EGR3: variants seen among roughly 807,000 people sequenced by gnomAD.
The protein encoded by EGR3 is early growth response protein 3.
In EGR3, 4 loss-of-function variants were observed where a neutral mutation model predicts 22.4. The observed-to-expected ratio is 0.18, with a 90% CI of 0.09 to 0.41. EGR3 has a LOEUF of 0.41. Among genes scored for constraint, EGR3 ranks in the 10% least tolerant of loss-of-function variants. EGR3 has a pLI of 1.00. For synonymous variants in EGR3, 219 were observed against 226.8 expected (o/e 0.97, Z 0.31); for missense variants, 315 against 541.3 (o/e 0.58, Z 4.15).
intron 1 of EGR3, chr8:22,691,722 GCCGCGCACACA>G: frequency 1.0e-6 from 1 of 985,112 alleles, no homozygotes; most frequent in East Asian, 1.1e-4. Context: ...CAGCGCACAA[GCCGCGCACACA>G]CTCACGTACC....
chr8:22,693,131 CT>C lies in EGR3; in HGVS notation c.-188del. The C allele has an allele frequency of 1.3e-6, 1 of 747,028 alleles. No homozygotes were observed. Among genetic ancestry groups the C allele is most frequent in the Non-Finnish European group, 1.8e-6 (1 of 555,396 alleles). 46.3% of individuals were successfully genotyped at this position (747,028 alleles called of 1,614,324 possible). A position where few individuals can be genotyped will look rare whatever the true frequency, so the allele number is the denominator to read the frequency against. ...GATGGGCCAGGAGAGGGGATCTTCTCTTTTTTGGGGGGCGGGAGAGGGCCCC... is the reference window on the plus strand; with the variant it reads ...GATGGGCCAGGAGAGGGGATCTTCTCTTTTTGGGGGGCGGGAGAGGGCCCC... On this transcript the variant is annotated 5_prime_UTR_variant, in exon 1 of 2. Coordinates refer to ENST00000317216, the MANE Select transcript of EGR3 (RefSeq NM_004430.3).
chr8:22,693,118 G>A lies in EGR3; in HGVS notation c.-174C>T. 1.1e-6 allele frequency: 1 copy of A among 888,228 alleles called. No individual in the cohort carries two copies. Among genetic ancestry groups the A allele is most frequent in the East Asian group, 3.3e-5 (1 of 30,686 alleles). 55.0% of individuals were successfully genotyped at this position (888,228 alleles called of 1,614,324 possible). A position where few individuals can be genotyped will look rare whatever the true frequency, so the allele number is the denominator to read the frequency against. On this transcript the variant is annotated 5_prime_UTR_variant, in exon 1 of 2. Coordinates refer to ENST00000317216, the MANE Select transcript of EGR3 (RefSeq NM_004430.3). ...GAAGAAGGGAAGGGATGGGCCAGGA[G>A]AGGGGATCTTCTCTTTTTTGGGGGG...
At position 22,687,744 on chromosome 8, in the gene EGR3, T is replaced by C. The variant is rs1414442967; in HGVS notation, c.*2729A>G. 6.6e-6 allele frequency: 1 copy of C among 152,592 alleles called. No individual in the cohort carries two copies. The highest frequency in any genetic ancestry group is 2.4e-5 in the African/African-American group (1 of 41,422). 9.5% of individuals were successfully genotyped at this position (152,592 alleles called of 1,614,324 possible). A position where few individuals can be genotyped will look rare whatever the true frequency, so the allele number is the denominator to read the frequency against. On this transcript the variant is annotated 3_prime_UTR_variant, in exon 2 of 2. Coordinates refer to ENST00000317216, the MANE Select transcript of EGR3 (RefSeq NM_004430.3). This position sits in a 1 kb window ranked among gnomAD's most constrained non-coding sequence, Gnocchi z 4.7. ...GCCGGCTGATTGTCAGCAAACACAA[T>C]ATATTTACTGTATTAGCATTTGCTC...
At chr8:22,691,802 A>G (rs901946266) in intron 1 of EGR3, 21 of 985,228 alleles carry the variant, frequency 2.1e-5, no homozygotes, top group Non-Finnish European at 2.5e-5. Context: ...TGGGGCGGGC[A>G]GGTAGCTGCA....
In EGR3 at chr8:22,690,056, C is replaced by G. The variant is rs867469635; in HGVS notation, c.*417G>C. On this transcript the variant is annotated 3_prime_UTR_variant, in exon 2 of 2. Transcript: ENST00000317216. ...TTGGTGCGCTCCTTACCCCCTCCCC[C>G]TCTCGAGTCTTCGAGGGGGTATAGA... 4.9e-6 allele frequency: 1 copy of G among 202,242 alleles called. No homozygotes were observed. Among genetic ancestry groups the G allele is most frequent in the East Asian group, 1.2e-4 (1 of 8,054 alleles). The allele number at this position is 202,242 out of a possible 1,614,324, so 12.5% of individuals were successfully genotyped here.
Position 22,692,290 on chromosome 8 carries a change from G to T in EGR3, c.154+501C>A, listed in dbSNP as rs1194210461. 1.3e-6 allele frequency: 2 copies of T among 1,514,306 alleles called. No individual in the cohort carries two copies. The highest frequency in any genetic ancestry group is 1.8e-6 in the Non-Finnish European group (2 of 1,137,310). 93.8% of individuals were successfully genotyped at this position (1,514,306 alleles called of 1,614,324 possible). ...CTTTGCTGAACGCCCCGGAAAGGCA[G>T]CGTCGCAGTACCTCTCCCACCGCGG... On this transcript the variant is annotated intron_variant, in intron 1 of 1. Coordinates refer to ENST00000317216, the MANE Select transcript of EGR3 (RefSeq NM_004430.3). This position sits in a 1 kb window ranked among gnomAD's most constrained non-coding sequence, Gnocchi z 6.2.
Position 22,690,743 on chromosome 8 carries a change from G to A in EGR3, c.894C>T (p.Ile298=), listed in dbSNP as rs1268467049. 1 of 1,614,030 alleles carries A rather than the reference G, an allele frequency of 6.2e-7. No homozygotes were observed. Among genetic ancestry groups the A allele is most frequent in the Non-Finnish European group, 8.5e-7 (1 of 1,179,902 alleles). The change falls in exon 2 of 2, where the codon ATC becomes ATT. Residue 298 remains isoleucine (I), a synonymous_variant. Transcript: ENST00000317216. ...RSDELTRHLR[I]HTGHKPFQCR... ...ACTGGAAGGGCTTGTGGCCCGTGTGGATGCGCAGGTGCCGGGTCAGCTCGT... is the reference window on the plus strand; with the variant it reads ...ACTGGAAGGGCTTGTGGCCCGTGTGAATGCGCAGGTGCCGGGTCAGCTCGT...
Position 22,692,722 on chromosome 8 carries a change from G to A in EGR3, c.154+69C>T. The A allele has an allele frequency of 6.4e-7, 1 of 1,556,214 alleles. No homozygotes were observed. Among genetic ancestry groups the A allele is most frequent in the Non-Finnish European group, 8.7e-7 (1 of 1,143,266 alleles). On this transcript the variant is annotated intron_variant, in intron 1 of 1. Coordinates refer to ENST00000317216, the MANE Select transcript of EGR3 (RefSeq NM_004430.3). This position sits in a 1 kb window ranked among gnomAD's most constrained non-coding sequence, Gnocchi z 6.2. ...CCATCCATCCATCCATCCATCACCAGGTCGTCCCCTCCTCCTCTTCCTCTC... is the reference window on the plus strand; with the variant it reads ...CCATCCATCCATCCATCCATCACCAAGTCGTCCCCTCCTCCTCTTCCTCTC...
At position 22,690,532 on chromosome 8, in the gene EGR3, G is replaced by T; in HGVS notation, c.1105C>A (p.Pro369Thr). The change falls in exon 2 of 2, where the codon CCC becomes ACC. Residue 369 changes from proline to threonine, a missense_variant. Physicochemically the swap from Pro to Thr is conservative, Grantham distance 38. Transcript: ENST00000317216. ...KEKKAEKGGA[P>T]SASSAPPVSL... ...ACGGGGGGCGCCGAGGATGCAGAGG[G>T]TGCACCGCCCTTCTCCGCCTTCTTC... The T allele has an allele frequency of 6.2e-7, 1 of 1,613,184 alleles. No homozygotes were observed. The highest frequency in any genetic ancestry group is 8.5e-7 in the Non-Finnish European group (1 of 1,179,860).
rs539048855 is a variant in EGR3, at chr8:22,692,088, G to C, written c.155-606C>G. On this transcript the variant is annotated intron_variant, in intron 1 of 1. Coordinates refer to ENST00000317216, the MANE Select transcript of EGR3 (RefSeq NM_004430.3). This position sits in a 1 kb window ranked among gnomAD's most constrained non-coding sequence, Gnocchi z 6.2. ...AAGGAGCTTTAGGCTCTTGCTGGAGGGGAAAATCCTAGCCCCAGCTAGGGA... is the reference window on the plus strand; with the variant it reads ...AAGGAGCTTTAGGCTCTTGCTGGAGCGGAAAATCCTAGCCCCAGCTAGGGA... The C allele has an allele frequency of 4.2e-5, 56 of 1,348,884 alleles. 2 individuals carry two copies. The African/African-American group carries it at 6.9e-4, about 17-fold the overall frequency. 83.6% of individuals were successfully genotyped at this position (1,348,884 alleles called of 1,614,324 possible).
In EGR3 at chr8:22,692,981, C is replaced by G. The variant is rs767218019; in HGVS notation, c.-37G>C. The G allele has an allele frequency of 6.6e-5, 105 of 1,594,342 alleles. No homozygotes were observed. Among genetic ancestry groups the G allele is most frequent in the Non-Finnish European group, 8.0e-5 (94 of 1,174,420 alleles). ...GCTGCCGCCGCCGCCGCCACCGCCG[C>G]CACCGCCGCCGCTCGCTCCTAACGC... On this transcript the variant is annotated 5_prime_UTR_variant, in exon 1 of 2. Transcript: ENST00000317216. This position sits in a 1 kb window ranked among gnomAD's most constrained non-coding sequence, Gnocchi z 6.2.
chr8:22,691,545 G>A (rs1029148126), intron 1 of EGR3, 63 bp from the exon 2 acceptor site: 1 of 1,575,132 alleles, frequency 6.3e-7, no homozygotes. Context: ...GGGCCGCGGC[G>A]CCCAGGTCCT....
Position 22,692,359 on chromosome 8 carries a change from G to C in EGR3, c.154+432C>G. 1 of 1,486,758 alleles carries C rather than the reference G, an allele frequency of 6.7e-7. No individual in the cohort carries two copies. The allele number at this position is 1,486,758 out of a possible 1,614,324, so 92.1% of individuals were successfully genotyped here. On this transcript the variant is annotated intron_variant, in intron 1 of 1. Coordinates refer to ENST00000317216, the MANE Select transcript of EGR3 (RefSeq NM_004430.3). This position sits in a 1 kb window ranked among gnomAD's most constrained non-coding sequence, Gnocchi z 6.2. Reference sequence around the variant, plus strand: ...GGCTCCATCCCGGGTGGGAGGCTGAGGGAGTAAGGGGGGAGAGCGCGGGTG... The same window carrying C: ...GGCTCCATCCCGGGTGGGAGGCTGACGGAGTAAGGGGGGAGAGCGCGGGTG...
At position 22,692,910 on chromosome 8, in the gene EGR3, G is replaced by A; in HGVS notation, c.35C>T (p.Thr12Ile). Residue 12 changes from threonine to isoleucine, a missense_variant, in exon 1 of 2, where the codon ACC becomes ATC. By Grantham distance (89) the Thr-to-Ile change is moderately conservative. This residue lies in a region of EGR3 where 227 missense variants were observed against 303.6 expected (regional missense o/e 0.75). Coordinates refer to ENST00000317216, the MANE Select transcript of EGR3 (RefSeq NM_004430.3). This position sits in a 1 kb window ranked among gnomAD's most constrained non-coding sequence, Gnocchi z 6.2. Reference protein sequence around the residue: ...TGKLAEKLPVTMSSLLNQLPD... With the variant: ...TGKLAEKLPVIMSSLLNQLPD... ...CAGTTGGTTTAGCAAACTGCTCATGGTCACCGGCAGCTTCTCGGCGAGTTT... is the reference window on the plus strand; with the variant it reads ...CAGTTGGTTTAGCAAACTGCTCATGATCACCGGCAGCTTCTCGGCGAGTTT... The A allele has an allele frequency of 6.2e-7, 1 of 1,612,562 alleles. No individual in the cohort carries two copies. The highest frequency in any genetic ancestry group is 8.5e-7 in the Non-Finnish European group (1 of 1,179,708).
chr8:22,692,957 C>T lies in EGR3; in HGVS notation c.-13G>A. ...GTTTGCCGGTCATAGCACTCCCGAG[C>T]TGCCGCCGCCGCCGCCACCGCCGCC... On this transcript the variant is annotated 5_prime_UTR_variant, in exon 1 of 2. Coordinates refer to ENST00000317216, the MANE Select transcript of EGR3 (RefSeq NM_004430.3). The surrounding 1 kb of genome is among the most constrained non-coding windows in gnomAD (Gnocchi z 6.2). 3.1e-6 allele frequency: 5 copies of T among 1,602,720 alleles called. No homozygotes were observed. Among genetic ancestry groups the T allele is most frequent in the Non-Finnish European group, 4.2e-6 (5 of 1,176,850 alleles).
In EGR3 at chr8:22,691,145, C is replaced by G. The variant is rs369402604; in HGVS notation, c.492G>C (p.Gln164His). ...GGGAATAGGCGAGCCCGGGATTGCC[C>G]TGGGGGTCGTGGAAAGACACGGGCT... is the stretch of plus-strand genomic sequence containing the variant. ...YSEPVSFHDPQGNPGLAYSPQ... is the reference protein window; with the variant it reads ...YSEPVSFHDPHGNPGLAYSPQ... The change falls in exon 2 of 2, where the codon CAG (glutamine) becomes CAC (histidine). Residue 164 changes from glutamine to histidine, a missense_variant. Transcript: ENST00000317216. 4 of 1,613,998 alleles carry G rather than the reference C, an allele frequency of 2.5e-6. No homozygotes were observed. Among genetic ancestry groups the G allele is most frequent in the Non-Finnish European group, 3.4e-6 (4 of 1,180,040 alleles).
chr8:22,692,953 C>T lies in EGR3; in HGVS notation c.-9G>A, dbSNP rs776291693. Reference sequence around the variant, plus strand: ...GCGAGTTTGCCGGTCATAGCACTCCCGAGCTGCCGCCGCCGCCGCCACCGC... The same window carrying T: ...GCGAGTTTGCCGGTCATAGCACTCCTGAGCTGCCGCCGCCGCCGCCACCGC... On this transcript the variant is annotated 5_prime_UTR_variant, in exon 1 of 2. Transcript: ENST00000317216. This position sits in a 1 kb window ranked among gnomAD's most constrained non-coding sequence, Gnocchi z 6.2. 2.5e-6 allele frequency: 4 copies of T among 1,604,986 alleles called. No individual in the cohort carries two copies. The African/African-American group carries it at 4.0e-5, about 16-fold the overall frequency.
At position 22,692,209 on chromosome 8, in the gene EGR3, C is replaced by T. The variant is rs1480405192; in HGVS notation, c.154+582G>A. 6 of 1,419,964 alleles carry T rather than the reference C, an allele frequency of 4.2e-6. No homozygotes were observed. The Admixed American group carries it at 1.5e-4, about 35-fold the overall frequency. The allele number at this position is 1,419,964 out of a possible 1,614,324, so 88.0% of individuals were successfully genotyped here. Reference sequence around the variant, plus strand: ...CCCCGGGATCGTTCCCCGTGGCAGGCCCTCGCCCCGCGGGTGAACCCCCTC... The same window carrying T: ...CCCCGGGATCGTTCCCCGTGGCAGGTCCTCGCCCCGCGGGTGAACCCCCTC... On this transcript the variant is annotated intron_variant, in intron 1 of 1. Transcript: ENST00000317216. This position sits in a 1 kb window ranked among gnomAD's most constrained non-coding sequence, Gnocchi z 6.2.
In EGR3 at chr8:22,688,990, T is replaced by G. The variant is rs998782028; in HGVS notation, c.*1483A>C. The G allele has an allele frequency of 2.6e-5, 4 of 152,624 alleles. No individual in the cohort carries two copies. Among genetic ancestry groups the G allele is most frequent in the African/African-American group, 9.7e-5 (4 of 41,448 alleles). The allele number at this position is 152,624 out of a possible 1,614,324, so 9.5% of individuals were successfully genotyped here. A position where few individuals can be genotyped will look rare whatever the true frequency, so the allele number is the denominator to read the frequency against. On this transcript the variant is annotated 3_prime_UTR_variant, in exon 2 of 2. Coordinates refer to ENST00000317216, the MANE Select transcript of EGR3 (RefSeq NM_004430.3). ...GAAATTTTGGACAGAGATGTGTATA[T>G]GTGTATACACACATATCCATACATA...
Sources: gnomAD v4.1 joint callset for allele counts on GRCh38, gnomAD v4.1.1 for gene constraint, gnomAD v4.1.1 regional missense constraint, Gnocchi (gnomAD v3.1) non-coding constraint, MANE v1.5 for transcripts, NCBI Gene and HGNC (gene_info 2026-07-23, HGNC 2026-07-21) for gene names.